The following FSTL4 variants were observed in gnomAD, a reference collection of about 807,000 sequenced individuals.
The protein encoded by FSTL4 is follistatin like 4, also known as follistatin-related protein 4.
In FSTL4, 28 loss-of-function variants were observed where a neutral mutation model predicts 78.2. The observed-to-expected ratio is 0.36, with a 90% CI of 0.27 to 0.49. FSTL4 has a LOEUF of 0.49. Among genes scored for constraint, FSTL4 ranks in the 20% least tolerant of loss-of-function variants. The pLI is 0.98. For missense variants in FSTL4, 922 were observed against 1,084.9 expected, an observed-to-expected ratio of 0.85 and a Z score of 2.11; for synonymous variants, 422 against 440.5, an observed-to-expected ratio of 0.96 and a Z score of 0.53.
intron 3 of FSTL4, among the ~76,000 whole-genome samples, chr5:133,538,853 A>T (rs886108757): frequency 2.0e-5 from 3 of 152,134 alleles, no homozygotes; most frequent in African/African-American, 7.2e-5. Context: ...ATGTGGTTAG[A>T]GTCAGACAAC....
At chr5:133,645,900 C>T in the FSTL4 span, among the ~76,000 whole-genome samples, 1 of 152,172 alleles carries the variant, frequency 6.6e-6, no homozygotes, top group African/African-American at 2.4e-5. Flanking sequence ...TGAACTGGGA[C>T]TAACTGGGTG....
the FSTL4 span, among the ~76,000 whole-genome samples, chr5:133,668,056 C>T: frequency 6.6e-6 from 1 of 152,226 alleles, no homozygotes; most frequent in South Asian, 2.1e-4. Context: ...CCAGGAAGCT[C>T]TTGTGACAGG....
At chr5:133,316,399 G>T in intron 5 of FSTL4, 60 bp downstream of exon 5, 1 of 1,337,588 alleles carries the variant, frequency 7.5e-7, no homozygotes, top group South Asian at 1.3e-5. Flanking sequence ...AGGGGGCCGG[G>T]GTGGGAAATG....
At chr5:133,752,848 C>T in the FSTL4 span, among the ~76,000 whole-genome samples, 5 of 152,100 alleles carry the variant, frequency 3.3e-5, no homozygotes, top group African/African-American at 1.2e-4. Flanking sequence ...TGTTACTGGT[C>T]GACCAGCTCT....
chr5:133,636,710 ATTG>A, the FSTL4 span, among the ~76,000 whole-genome samples: 1 of 152,184 alleles, frequency 6.6e-6, no homozygotes, highest in Non-Finnish European at 1.5e-5. Flanking sequence ...TATGATTATT[ATTG>A]TTGTTATGTC....
At chr5:133,649,134 G>A in the FSTL4 span, among the ~76,000 whole-genome samples, 1 of 152,092 alleles carries the variant, frequency 6.6e-6, no homozygotes. Flanking sequence ...GCCTTTTCAG[G>A]TTAGCTTCTT....
chr5:133,345,051 C>G lies in FSTL4; in HGVS notation c.410-28399G>C, dbSNP rs565934989. 2.2e-3 allele frequency among the ~76,000 whole-genome samples: 334 copies of G among 151,084 alleles called. 1 individual carries two copies. The highest frequency in any genetic ancestry group is 7.8e-3 in the African/African-American group (320 of 40,980). ...TGGAACGATCTCCACTCACTGCAAG[C>G]TCCGCCTCCCGGGTTCACGCCATTC... On this transcript the variant is annotated intron_variant, in intron 4 of 15. Transcript: ENST00000265342.
the FSTL4 span, among the ~76,000 whole-genome samples, chr5:133,769,517 C>T: frequency 2.6e-5 from 4 of 152,272 alleles, no homozygotes; most frequent in East Asian, 3.9e-4. Context: ...CCCTGCCCCA[C>T]GTCCCATAAA....
intron 3 of FSTL4, among the ~76,000 whole-genome samples, chr5:133,523,321 A>T (rs1191974810): frequency 2.6e-5 from 4 of 152,198 alleles, no homozygotes; most frequent in Non-Finnish European, 4.4e-5. Context: ...CCAGTCTGCA[A>T]TACTTTGTCA....
chr5:133,357,035 A>C (rs2126931238), intron 4 of FSTL4, among the ~76,000 whole-genome samples: 1 of 152,358 alleles, frequency 6.6e-6, no homozygotes, highest in South Asian at 2.1e-4. Flanking sequence ...GAGTCTGAGA[A>C]GTCCATTGGG....
intron 3 of FSTL4, among the ~76,000 whole-genome samples, chr5:133,475,720 G>A (rs924765956): frequency 6.6e-6 from 1 of 152,174 alleles, no homozygotes; most frequent in African/African-American, 2.4e-5. Context: ...CGGAATTATC[G>A]GGTGGTGCTT....
chr5:133,636,044 G>T, the FSTL4 span, among the ~76,000 whole-genome samples: 1 of 152,112 alleles, frequency 6.6e-6, no homozygotes, highest in African/African-American at 2.4e-5. Context: ...CCAGGGCCCA[G>T]GTCGGCACCT....
In FSTL4 at chr5:133,199,379, A is replaced by G. The variant is rs1750246242; in HGVS notation, c.2245T>C (p.Tyr749His). The G allele has an allele frequency of 1.9e-6, 3 of 1,614,122 alleles. No homozygotes were observed. Among genetic ancestry groups the G allele is most frequent in the Non-Finnish European group, 1.7e-6 (2 of 1,180,006 alleles). The change falls in exon 16 of 16, where the codon TAC (tyrosine) becomes CAC (histidine). Residue 749 changes from tyrosine (Y) to histidine (H), a missense_variant. By Grantham distance (83) the Tyr-to-His change is moderately conservative (BLOSUM62 2). Coordinates refer to ENST00000265342, the MANE Select transcript of FSTL4 (RefSeq NM_015082.2). This position sits in a 1 kb window ranked among gnomAD's most constrained non-coding sequence, Gnocchi z 4.4. ...FQRSFTESNQYNIYAALHTEP... is the reference protein window; with the variant it reads ...FQRSFTESNQHNIYAALHTEP... Reference sequence around the variant, plus strand: ...GTGTGCAGAGCCGCGTAGATGTTGTATTGATTGCTTTCAGTGAAGGAGCGC... The same window carrying G: ...GTGTGCAGAGCCGCGTAGATGTTGTGTTGATTGCTTTCAGTGAAGGAGCGC...
At chr5:133,580,680 A>G (rs1760382335) in intron 2 of FSTL4, among the ~76,000 whole-genome samples, 1 of 152,158 alleles carries the variant, frequency 6.6e-6, no homozygotes, top group Admixed American at 6.5e-5. Flanking sequence ...TCAATACCCA[A>G]TCTGAGCACG....
chr5:133,416,433 G>A (rs1463167447), intron 3 of FSTL4, among the ~76,000 whole-genome samples: 2 of 152,152 alleles, frequency 1.3e-5, no homozygotes, highest in Non-Finnish European at 2.9e-5. Flanking sequence ...AGTTAATTCT[G>A]ATTACAGAAT....
intron 8 of FSTL4, among the ~76,000 whole-genome samples, chr5:133,232,752 G>A (rs1424949711): frequency 4.6e-5 from 7 of 152,178 alleles, no homozygotes. Context: ...ATACGTGGAT[G>A]GGAAGGTCCA....
the FSTL4 span, among the ~76,000 whole-genome samples, chr5:133,829,385 C>CA: frequency 2.0e-5 from 3 of 151,096 alleles, no homozygotes; most frequent in Non-Finnish European, 3.0e-5. Flanking sequence ...GACTCTGTCT[C>CA]AAAAAAAAAG....
the FSTL4 span, among the ~76,000 whole-genome samples, chr5:133,818,244 G>A: frequency 1.3e-5 from 2 of 152,214 alleles, no homozygotes; most frequent in African/African-American, 4.8e-5. Flanking sequence ...TGGATTAACA[G>A]CATTTACTCT....
At chr5:133,293,129 A>G (rs17166495) in intron 6 of FSTL4, among the ~76,000 whole-genome samples, 117,236 of 152,212 alleles carry the variant, frequency 0.77, 45,306 homozygotes, top group Admixed American at 0.79. Context: ...GCCTTCCGGC[A>G]CCCCCAGAGC....
Sources: gnomAD v4.1 joint callset for allele counts (sites outside exome capture counted in the v4.1 genomes callset) on GRCh38, gnomAD v4.1.1 for gene constraint, Gnocchi (gnomAD v3.1) non-coding constraint, MANE v1.5 for transcripts, NCBI Gene and HGNC (gene_info 2026-07-23, HGNC 2026-07-21) for gene names.